Variants in SLC14A2 observed in about 807,000 individuals in gnomAD.
SLC14A2 encodes solute carrier family 14 member 2.
Under a neutral mutation model 104.6 loss-of-function variants are expected in SLC14A2, and 91 were observed. The ratio of observed to expected loss-of-function variants is 0.87; its 90% CI spans 0.73 to 1.04. The LOEUF is 1.04. Among genes scored for constraint, SLC14A2 ranks in the 50% least tolerant of loss-of-function variants. The pLI is 0.00. For missense variants in SLC14A2, 1,189 were observed against 1,156.0 expected, an observed-to-expected ratio of 1.03 and a Z score of -0.41; for synonymous variants, 476 against 466.4, an observed-to-expected ratio of 1.02 and a Z score of -0.27.
chr18:45,345,190 C>A (rs2085435517), intron 1 of SLC14A2, among the ~76,000 whole-genome samples: 1 of 152,102 alleles, frequency 6.6e-6, no homozygotes. Flanking sequence ...AGCTGTCTGG[C>A]CAGGAAGTGA....
intron 1 of SLC14A2, among the ~76,000 whole-genome samples, chr18:45,411,889 C>T (rs2086219193): frequency 6.6e-6 from 1 of 152,148 alleles, no homozygotes; most frequent in African/African-American, 2.4e-5. Context: ...GAGTCAGTAT[C>T]AGCCAGTATC....
intron 1 of SLC14A2, among the ~76,000 whole-genome samples, chr18:45,371,555 T>G (rs151255578): frequency 3.5e-4 from 53 of 152,374 alleles, no homozygotes; most frequent in Admixed American, 2.6e-3. Context: ...TAGTTAAGTC[T>G]AAGTTTACAC....
chr18:45,261,931 G>A (rs1264450960), intron 1 of SLC14A2, among the ~76,000 whole-genome samples: 1 of 152,148 alleles, frequency 6.6e-6, no homozygotes. Context: ...CCAGTAATGG[G>A]ATGGCTGGGT....
chr18:45,610,204 A>T (rs1434088493), intron 2 of SLC14A2, among the ~76,000 whole-genome samples: 2 of 147,530 alleles, frequency 1.4e-5, no homozygotes, highest in Non-Finnish European at 3.0e-5. Flanking sequence ...TATTCAAAAT[A>T]CAGATTCTGT....
intron 2 of SLC14A2, among the ~76,000 whole-genome samples, chr18:45,523,411 C>G (rs1427409018): frequency 1.3e-5 from 2 of 151,814 alleles, no homozygotes; most frequent in Non-Finnish European, 2.9e-5. Flanking sequence ...CTCACTGCAA[C>G]CTCCGGCTCC....
At chr18:45,643,560 T>C (rs1243778254) in intron 9 of SLC14A2, among the ~76,000 whole-genome samples, 1 of 152,170 alleles carries the variant, frequency 6.6e-6, no homozygotes, top group Admixed American at 6.5e-5. Flanking sequence ...CAAGACAGGG[T>C]CTCGCACTGT....
At chr18:45,357,965 A>G (rs1022134886) in intron 1 of SLC14A2, among the ~76,000 whole-genome samples, 6 of 152,254 alleles carry the variant, frequency 3.9e-5, no homozygotes, top group African/African-American at 1.4e-4. Context: ...CAAGGGCCAT[A>G]TAATTCCCCA....
chr18:45,340,983 A>C lies in SLC14A2; in HGVS notation c.-125+127792A>C, dbSNP rs563165988. The stretch of plus-strand genomic sequence containing the variant: ...AACAATAGAGTTGCTGTATTGGAGA[A>C]GATAAGAAAAACAATTCTGAGCCAT... On this transcript the variant is annotated intron_variant, in intron 1 of 20. Transcript: ENST00000586448. Among the ~76,000 whole-genome samples, 11 of 152,320 alleles carry C rather than the reference A, an allele frequency of 7.2e-5. No homozygotes were observed. The South Asian group carries it at 2.1e-3, about 29-fold the overall frequency.
intron 1 of SLC14A2, among the ~76,000 whole-genome samples, chr18:45,467,268 T>C (rs943886628): frequency 3.9e-5 from 6 of 152,096 alleles, no homozygotes; most frequent in Non-Finnish European, 8.8e-5. Context: ...AACCCAGGGG[T>C]GGGAGCTGGC....
intron 2 of SLC14A2, among the ~76,000 whole-genome samples, chr18:45,602,551 C>T (rs2044806994): frequency 6.6e-6 from 1 of 152,194 alleles, no homozygotes; most frequent in East Asian, 1.9e-4. Flanking sequence ...GTGAAAAACA[C>T]TTTCACCCCC....
At chr18:45,476,565 T>C (rs773132950) in intron 1 of SLC14A2, among the ~76,000 whole-genome samples, 3 of 152,212 alleles carry the variant, frequency 2.0e-5, no homozygotes, top group Admixed American at 6.5e-5. Flanking sequence ...AACAATATCC[T>C]GAAGAGTGTT....
chr18:45,197,410 A>C, the SLC14A2 span, among the ~76,000 whole-genome samples: 1 of 152,214 alleles, frequency 6.6e-6, no homozygotes, highest in African/African-American at 2.4e-5. Context: ...AGAGCCTATC[A>C]GTATCAGTCA....
At chr18:45,401,120 A>G (rs1435765479) in intron 1 of SLC14A2, among the ~76,000 whole-genome samples, 1 of 151,978 alleles carries the variant, frequency 6.6e-6, no homozygotes, top group Non-Finnish European at 1.5e-5. Context: ...GACTGAGCTC[A>G]CTCCTCATTT....
intron 1 of SLC14A2, among the ~76,000 whole-genome samples, chr18:45,366,103 G>T (rs564069781): frequency 2.4e-4 from 36 of 151,982 alleles, no homozygotes; most frequent in African/African-American, 8.7e-4. Context: ...TTTTCCAAAG[G>T]ACCTACCATG....
At chr18:45,472,028 GC>G (rs1225694146) in intron 1 of SLC14A2, among the ~76,000 whole-genome samples, 1 of 151,768 alleles carries the variant, frequency 6.6e-6, no homozygotes, top group African/African-American at 2.4e-5. Flanking sequence ...CCTTCCCCTA[GC>G]CCCCGACCCC....
At chr18:45,201,592 C>T in the SLC14A2 span, among the ~76,000 whole-genome samples, 1 of 151,330 alleles carries the variant, frequency 6.6e-6, no homozygotes, top group African/African-American at 2.4e-5. Context: ...ATACTTCTTG[C>T]TTTCTGGGAT....
the SLC14A2 span, among the ~76,000 whole-genome samples, chr18:45,207,292 GGTA>G: frequency 1.3e-5 from 2 of 149,272 alleles, no homozygotes; most frequent in Non-Finnish European, 3.0e-5. Flanking sequence ...AGAAGAGAAA[GGTA>G]GGAGGGAGAG....
At chr18:45,401,344 G>A (rs2086093929) in intron 1 of SLC14A2, among the ~76,000 whole-genome samples, 2 of 152,230 alleles carry the variant, frequency 1.3e-5, no homozygotes, top group South Asian at 4.2e-4. Context: ...TGAGGGTAGG[G>A]ACTATTTTAG....
chr18:45,229,495 C>A (rs755097764), intron 1 of SLC14A2, among the ~76,000 whole-genome samples: 1 of 152,106 alleles, frequency 6.6e-6, no homozygotes, highest in Non-Finnish European at 1.5e-5. Context: ...CAGGCGAGAG[C>A]TAAACAAGTT....
Sources: allele counts gnomAD v4.1 joint callset (sites outside exome capture counted in the v4.1 genomes callset), GRCh38; gene constraint gnomAD v4.1.1; transcripts MANE v1.5; gene names NCBI Gene and HGNC (gene_info 2026-07-23, HGNC 2026-07-21).